ARHGAP15: variants seen among roughly 807,000 people sequenced by gnomAD.
ARHGAP15 encodes the protein rho GTPase-activating protein 15.
Under a neutral mutation model 63.7 loss-of-function variants are expected in ARHGAP15, and 51 were observed. The observed-to-expected ratio is 0.80, with a 90% confidence interval of 0.64 to 1.01. The LOEUF is 1.01. ARHGAP15 is among the 50% of genes least tolerant of loss of function. The probability of loss-of-function intolerance (pLI) is 0.00; values close to 1 mark genes in which losing one functional copy is unlikely to be tolerated. For synonymous variants in ARHGAP15, 191 were observed against 193.8 expected, an observed-to-expected ratio of 0.99 and a Z score of 0.12; for missense variants, 560 against 564.6, an observed-to-expected ratio of 0.99 and a Z score of 0.08.
chr2:143,644,814 G>T (rs1000256947), intron 12 of ARHGAP15, among the ~76,000 whole-genome samples: 1 of 151,978 alleles, frequency 6.6e-6, no homozygotes, highest in African/African-American at 2.4e-5. Flanking sequence ...TTTAGTTCTA[G>T]TCCTCATTTT....
intron 2 of ARHGAP15, among the ~76,000 whole-genome samples, chr2:143,193,980 T>C (rs1180200264): frequency 6.6e-6 from 1 of 152,218 alleles, no homozygotes; most frequent in Non-Finnish European, 1.5e-5. Flanking sequence ...ACATTTTTAT[T>C]TGAGACTGAA....
intron 8 of ARHGAP15, among the ~76,000 whole-genome samples, chr2:143,463,720 T>C (rs944118325): frequency 8.5e-5 from 13 of 152,176 alleles, no homozygotes; most frequent in Non-Finnish European, 1.9e-4. Flanking sequence ...AAATTTTGCC[T>C]TTTGTAAAAT....
intron 11 of ARHGAP15, among the ~76,000 whole-genome samples, chr2:143,589,149 C>A (rs1225074241): frequency 6.6e-6 from 1 of 152,138 alleles, no homozygotes; most frequent in Non-Finnish European, 1.5e-5. Flanking sequence ...CCTTAGTTTC[C>A]TCCTTTCAAC....
intron 11 of ARHGAP15, among the ~76,000 whole-genome samples, chr2:143,564,940 A>C (rs528137819): frequency 1.3e-5 from 2 of 152,332 alleles, no homozygotes; most frequent in Admixed American, 1.3e-4. Context: ...CATTTATATC[A>C]TTGCTGATAA....
At chr2:143,194,478 A>G (rs1440556643) in intron 2 of ARHGAP15, among the ~76,000 whole-genome samples, 1 of 152,218 alleles carries the variant, frequency 6.6e-6, no homozygotes, top group African/African-American at 2.4e-5. Context: ...CATTATGAGT[A>G]GAATAAAATG....
intron 6 of ARHGAP15, among the ~76,000 whole-genome samples, chr2:143,422,160 A>G (rs902346384): frequency 6.6e-6 from 1 of 152,124 alleles, no homozygotes; most frequent in African/African-American, 2.4e-5. Flanking sequence ...TATGAATCCA[A>G]TGCTGTGAGC....
chr2:143,185,603 G>C (rs1691413330), intron 2 of ARHGAP15, among the ~76,000 whole-genome samples: 1 of 152,112 alleles, frequency 6.6e-6, no homozygotes, highest in Admixed American at 6.6e-5. Flanking sequence ...CAAAATAATA[G>C]AGATCCTCAT....
intron 12 of ARHGAP15, among the ~76,000 whole-genome samples, chr2:143,697,821 C>G (rs1683918296): frequency 6.6e-6 from 1 of 152,152 alleles, no homozygotes; most frequent in Non-Finnish European, 1.5e-5. Flanking sequence ...AAAATGATCT[C>G]TGGAGATACT....
At chr2:143,241,171 C>A (rs1693846381) in intron 5 of ARHGAP15, among the ~76,000 whole-genome samples, 1 of 152,122 alleles carries the variant, frequency 6.6e-6, no homozygotes, top group Non-Finnish European at 1.5e-5. Context: ...CTTAAAAATT[C>A]ACTACTAAAT....
intron 11 of ARHGAP15, among the ~76,000 whole-genome samples, chr2:143,613,577 G>A (rs1237700133): frequency 6.6e-6 from 1 of 152,086 alleles, no homozygotes; most frequent in Non-Finnish European, 1.5e-5. Flanking sequence ...ACTACCAGCA[G>A]GTCTTTATAA....
chr2:143,716,181 G>A (rs907952171), intron 13 of ARHGAP15, among the ~76,000 whole-genome samples: 17 of 152,010 alleles, frequency 1.1e-4, no homozygotes, highest in Admixed American at 2.0e-4. Flanking sequence ...TTAAAGGCTG[G>A]AAAAAAGAGA....
chr2:143,754,608 T>C (rs1289154730), intron 13 of ARHGAP15, among the ~76,000 whole-genome samples: 1 of 152,328 alleles, frequency 6.6e-6, no homozygotes, highest in Admixed American at 6.5e-5. Context: ...AAGAGAAGAA[T>C]ACAGATCTGT....
At chr2:143,134,158 T>C (rs998534941) in intron 1 of ARHGAP15, among the ~76,000 whole-genome samples, 1 of 128,060 alleles carries the variant, frequency 7.8e-6, no homozygotes, top group Non-Finnish European at 1.7e-5. Context: ...TATCTACCTA[T>C]CTATCTATCA....
chr2:143,196,462 C>T (rs1691890805), intron 2 of ARHGAP15, among the ~76,000 whole-genome samples: 1 of 151,884 alleles, frequency 6.6e-6, no homozygotes, highest in Admixed American at 6.6e-5. Flanking sequence ...ACCATCAGTT[C>T]AAATATTTAT....
chr2:143,484,338 C>T (rs1226791764), intron 8 of ARHGAP15, among the ~76,000 whole-genome samples: 2 of 140,546 alleles, frequency 1.4e-5, no homozygotes, highest in East Asian at 2.1e-4. Flanking sequence ...TGCACTCCAG[C>T]GTGGGCAACA....
intron 2 of ARHGAP15, among the ~76,000 whole-genome samples, chr2:143,167,862 A>G (rs1023067445): frequency 6.6e-6 from 1 of 152,126 alleles, no homozygotes; most frequent in Non-Finnish European, 1.5e-5. Context: ...AAAGCCTTTC[A>G]TTAGAGTTGT....
chr2:143,650,487 A>T (rs187231689), intron 12 of ARHGAP15, among the ~76,000 whole-genome samples: 1 of 151,920 alleles, frequency 6.6e-6, no homozygotes, highest in East Asian at 1.9e-4. Context: ...TATACCTTAC[A>T]GTACCTTCCT....
chr2:143,317,076 C>T (rs1245329448), intron 6 of ARHGAP15, among the ~76,000 whole-genome samples: 1 of 152,078 alleles, frequency 6.6e-6, no homozygotes, highest in Admixed American at 6.6e-5. Flanking sequence ...CCTGCATTTT[C>T]CTTTAGGGTC....
At chr2:143,727,966 A>T (rs992370118) in intron 13 of ARHGAP15, among the ~76,000 whole-genome samples, 9 of 152,224 alleles carry the variant, frequency 5.9e-5, no homozygotes, top group Non-Finnish European at 7.3e-5. Flanking sequence ...TGAATTTTTT[A>T]AAAATGTGTA....
Sources: gnomAD v4.1 joint callset for allele counts (sites outside exome capture counted in the v4.1 genomes callset) on GRCh38, gnomAD v4.1.1 for gene constraint, MANE v1.5 for transcripts, NCBI Gene and HGNC (gene_info 2026-07-23, HGNC 2026-07-21) for gene names.